Variants in PTPRN2 observed in about 807,000 individuals in gnomAD.
The protein encoded by PTPRN2 is receptor-type tyrosine-protein phosphatase N2.
A neutral mutation model predicts 118.8 loss-of-function variants in PTPRN2; 74 were observed. The observed-to-expected ratio is 0.62, with a 90% CI of 0.52 to 0.76. PTPRN2 has a LOEUF of 0.76. PTPRN2 is among the 30% of genes least tolerant of loss of function. PTPRN2 has a pLI of 0.00. For missense variants in PTPRN2, 1,481 were observed against 1,394.4 expected (o/e 1.06, Z -0.99); for synonymous variants, 641 against 608.0 (o/e 1.05, Z -0.80).
chr7:158,052,396 G>A lies in PTPRN2; in HGVS notation c.1723+28902C>T, dbSNP rs1445944381. Among the ~76,000 whole-genome samples the A allele has an allele frequency of 2.0e-5, 3 of 152,340 alleles. No individual in the cohort carries two copies. The East Asian group carries it at 5.8e-4, about 29-fold the overall frequency. ...GATTCCTCTAGAAGCAGTGACTACT[G>A]GTTCTGTGGGTTATTGGGGGAAGTT... On this transcript the variant is annotated intron_variant, in intron 11 of 22. Coordinates refer to ENST00000389418, the MANE Select transcript of PTPRN2 (RefSeq NM_002847.5).
At chr7:158,566,079 G>A (rs1028368358) in intron 1 of PTPRN2, among the ~76,000 whole-genome samples, 8 of 152,234 alleles carry the variant, frequency 5.3e-5, no homozygotes, top group Admixed American at 1.3e-4. Flanking sequence ...TTGGCCGGGC[G>A]CAGTGGCTAA....
chr7:157,805,408 C>T (rs1375944140), intron 12 of PTPRN2, among the ~76,000 whole-genome samples: 1 of 151,874 alleles, frequency 6.6e-6, no homozygotes, highest in Non-Finnish European at 1.5e-5. Flanking sequence ...TCTCCAGCAT[C>T]CTAGTTAAAA....
intron 6 of PTPRN2, among the ~76,000 whole-genome samples, chr7:158,139,269 G>A (rs1288922949): frequency 6.6e-6 from 1 of 152,236 alleles, no homozygotes; most frequent in African/African-American, 2.4e-5. Context: ...GCTCAGCAGA[G>A]TGGGGAAATT....
At chr7:158,315,708 C>T (rs1029362294) in intron 3 of PTPRN2, among the ~76,000 whole-genome samples, 5 of 152,176 alleles carry the variant, frequency 3.3e-5, no homozygotes, top group Admixed American at 3.3e-4. Context: ...GGGCCAGGGA[C>T]TCGGAGAGAA....
Position 158,417,921 on chromosome 7 carries a change from C to A in PTPRN2, c.163+71814G>T, listed in dbSNP as rs1405918382. On this transcript the variant is annotated intron_variant, in intron 2 of 22. Transcript: ENST00000389418. ...ACTACATCGAGATGCTCTAGCTCTC[C>A]GTGTCCCACTGTGTTAAGTCATGGT... is the stretch of plus-strand genomic sequence containing the variant. Among the ~76,000 whole-genome samples the A allele has an allele frequency of 7.6e-4, 82 of 108,538 alleles. No homozygotes were observed. In the East Asian group the frequency reaches 0.011, roughly 15 times the overall value. 71.2% of individuals were successfully genotyped at this position (108,538 alleles called of 152,430 possible). A position where few individuals can be genotyped will look rare whatever the true frequency, so the allele number is the denominator to read the frequency against.
At chr7:157,889,762 T>C (rs1796689916) in intron 12 of PTPRN2, among the ~76,000 whole-genome samples, 1 of 152,262 alleles carries the variant, frequency 6.6e-6, no homozygotes, top group African/African-American at 2.4e-5. Context: ...TGTTTCTGGC[T>C]TCTGGCCGGA....
rs144370539 is a variant in PTPRN2, at chr7:158,214,397, TACACAC to T, written c.278-9130_278-9125del. On this transcript the variant is annotated intron_variant, in intron 3 of 22. Coordinates refer to ENST00000389418, the MANE Select transcript of PTPRN2 (RefSeq NM_002847.5). ...GCCGCAATCCGGAAACACCAGCGTGTACACACACACACACACACACACACACACACA... is the reference window on the plus strand; with the variant it reads ...GCCGCAATCCGGAAACACCAGCGTGTACACACACACACACACACACACACA... 2.1e-3 allele frequency among the ~76,000 whole-genome samples: 313 copies of T among 145,822 alleles called. 1 individual carries two copies. The highest frequency in any genetic ancestry group is 5.6e-3 in the African/African-American group (220 of 39,414).
At chr7:158,575,656 G>A (rs1828281703) in intron 1 of PTPRN2, among the ~76,000 whole-genome samples, 1 of 152,162 alleles carries the variant, frequency 6.6e-6, no homozygotes, top group Non-Finnish European at 1.5e-5. Context: ...ATGAGCCAAT[G>A]TGCCCGGCCA....
chr7:157,841,802 C>G (rs1808441014), intron 12 of PTPRN2, among the ~76,000 whole-genome samples: 1 of 152,190 alleles, frequency 6.6e-6, no homozygotes, highest in South Asian at 2.1e-4. Context: ...GTTCGGGGTG[C>G]TGGGGACGTC....
At chr7:158,535,689 C>T (rs1825604484) in intron 1 of PTPRN2, among the ~76,000 whole-genome samples, 1 of 151,436 alleles carries the variant, frequency 6.6e-6, no homozygotes, top group Non-Finnish European at 1.5e-5. Flanking sequence ...GTTAGTTGGT[C>T]AACTGTGTAC....
chr7:158,505,780 A>G (rs1822702587), intron 1 of PTPRN2, among the ~76,000 whole-genome samples: 1 of 152,064 alleles, frequency 6.6e-6, no homozygotes, highest in Admixed American at 6.5e-5. Context: ...TGATTCTTCC[A>G]CCGTACACGT....
chr7:157,580,786 C>G (rs1181704263), intron 17 of PTPRN2, among the ~76,000 whole-genome samples: 1 of 64,842 alleles, frequency 1.5e-5, no homozygotes. Flanking sequence ...ACACCCGAGC[C>G]CCTGCACACC....
In PTPRN2 at chr7:158,171,348, T is replaced by TATATACAC. The variant is rs1554571717; in HGVS notation, c.550-4058_550-4057insGTGTATAT. Among the ~76,000 whole-genome samples the TATATACAC allele has an allele frequency of 1.0e-3, 90 of 89,974 alleles. 5 individuals are homozygous for TATATACAC. The East Asian group carries it at 0.011, about 11-fold the overall frequency. The allele number at this position is 89,974 out of a possible 152,430, so 59.0% of individuals were successfully genotyped here. A position where few individuals can be genotyped will look rare whatever the true frequency, so the allele number is the denominator to read the frequency against. On this transcript the variant is annotated intron_variant, in intron 5 of 22. Coordinates refer to ENST00000389418, the MANE Select transcript of PTPRN2 (RefSeq NM_002847.5). ...ATATATATATATATATATATATATA[T>TATATACAC]ACACACACACATTTTTTTAAGACAT... is the stretch of plus-strand genomic sequence containing the variant.
rs559636194 is a variant in PTPRN2 at position 158,408,302 on chromosome 7, T to C, written c.163+81433A>G. On this transcript the variant is annotated intron_variant, in intron 2 of 22. Coordinates refer to ENST00000389418, the MANE Select transcript of PTPRN2 (RefSeq NM_002847.5). ...TTAATAAGAACACCACTATGCATAT[T>C]TTTCAATTTAATAAGCCAAAAGTAT... Among the ~76,000 whole-genome samples the C allele has an allele frequency of 5.2e-4, 79 of 152,238 alleles. 1 individual carries two copies. Among genetic ancestry groups the C allele is most frequent in the Non-Finnish European group, 9.1e-4 (62 of 68,036 alleles).
chr7:158,018,501 C>T (rs1263794949), intron 11 of PTPRN2, among the ~76,000 whole-genome samples: 1 of 152,162 alleles, frequency 6.6e-6, no homozygotes, highest in East Asian at 1.9e-4. Flanking sequence ...ATACTAGTGA[C>T]GTGCACTTAA....
chr7:158,257,002 G>A (rs538275148), intron 3 of PTPRN2, among the ~76,000 whole-genome samples: 1 of 152,244 alleles, frequency 6.6e-6, no homozygotes, highest in South Asian at 2.1e-4. Flanking sequence ...GTAAATTCCG[G>A]ACCCCTAGTT....
At chr7:157,551,489 C>T (rs529608609) in intron 21 of PTPRN2, among the ~76,000 whole-genome samples, 1 of 151,944 alleles carries the variant, frequency 6.6e-6, no homozygotes, top group East Asian at 1.9e-4. Flanking sequence ...ACTGTGCAGC[C>T]CACAGCCAGC....
chr7:157,613,989 G>T (rs1336447435), intron 15 of PTPRN2: 2 of 470,656 alleles, frequency 4.2e-6, no homozygotes, highest in Non-Finnish European at 8.8e-6. Context: ...CACAGGGCTG[G>T]CCTCCACATT....
chr7:158,210,388 GC>G (rs1375576697), intron 3 of PTPRN2, among the ~76,000 whole-genome samples: 1 of 151,918 alleles, frequency 6.6e-6, no homozygotes, highest in African/African-American at 2.4e-5. Flanking sequence ...GCCCGCCTCG[GC>G]CTCCCAAAGT....
Sources: gnomAD v4.1 joint callset for allele counts (sites outside exome capture counted in the v4.1 genomes callset) on GRCh38, gnomAD v4.1.1 for gene constraint, MANE v1.5 for transcripts, NCBI Gene and HGNC (gene_info 2026-07-23, HGNC 2026-07-21) for gene names.